The following SCAPER variants were observed in gnomAD, a reference collection of about 807,000 sequenced individuals.
SCAPER encodes the protein S-phase cyclin A associated protein in the ER.
SCAPER carries 98 observed loss-of-function variants against 182.2 expected under a neutral mutation model. That is an observed-to-expected ratio of 0.54 (90% CI 0.46 to 0.64). The LOEUF (loss-of-function observed/expected upper bound fraction) is 0.64, where lower values mean the gene tolerates loss of function less well. Ranked by LOEUF, SCAPER falls within the 30% of genes least tolerant of loss-of-function variation. SCAPER has a pLI of 0.00. For missense variants in SCAPER, 1,432 were observed against 1,690.0 expected (o/e 0.85, Z 2.68); for synonymous variants, 605 against 564.6 (o/e 1.07, Z -1.01).
At chr15:76,435,533 T>C (rs1441685950) in intron 25 of SCAPER, among the ~76,000 whole-genome samples, 1 of 152,172 alleles carries the variant, frequency 6.6e-6, no homozygotes, top group Non-Finnish European at 1.5e-5. Flanking sequence ...TAACCTAGAC[T>C]GGTAGCTCTC....
At chr15:76,397,932 C>T (rs951764751) in intron 27 of SCAPER, among the ~76,000 whole-genome samples, 3 of 152,194 alleles carry the variant, frequency 2.0e-5, no homozygotes, top group African/African-American at 7.2e-5. Context: ...GCCGTTACCA[C>T]ATCTCAGCAA....
intron 22 of SCAPER, among the ~76,000 whole-genome samples, chr15:76,616,339 ATAT>A (rs1443865399): frequency 6.6e-6 from 1 of 152,186 alleles, no homozygotes; most frequent in Non-Finnish European, 1.5e-5. Flanking sequence ...AATCTTGAGG[ATAT>A]TATGATAAAT....
chr15:76,619,490 C>T (rs950919502), intron 22 of SCAPER, among the ~76,000 whole-genome samples: 4 of 152,112 alleles, frequency 2.6e-5, no homozygotes, highest in Admixed American at 1.3e-4. Flanking sequence ...TAAGAGAATG[C>T]CAAACTATTT....
At chr15:76,770,805 A>C (rs1484254061) in intron 10 of SCAPER, among the ~76,000 whole-genome samples, 1 of 152,186 alleles carries the variant, frequency 6.6e-6, no homozygotes, top group Non-Finnish European at 1.5e-5. Context: ...TTATTTGAGC[A>C]TAATTATGTT....
chr15:76,465,805 A>C (rs888825284), intron 25 of SCAPER, among the ~76,000 whole-genome samples: 1 of 152,206 alleles, frequency 6.6e-6, no homozygotes, highest in Middle Eastern at 3.4e-3. Flanking sequence ...CAGTTTTTCC[A>C]ACACAGTTTA....
In SCAPER at chr15:76,354,254, A is replaced by G. The variant is rs2040804684; in HGVS notation, c.3856-114T>C. ...AACATGCTGAAGGAGTGTAAAGAAA[A>G]AGACTCCTGACTCCGTACCAGAGCT... On this transcript the variant is annotated intron_variant, in intron 29 of 31. Coordinates refer to ENST00000563290, the MANE Select transcript of SCAPER (RefSeq NM_020843.4). The surrounding 1 kb of genome is among the most constrained non-coding windows in gnomAD (Gnocchi z 4.4). 1 of 877,862 alleles carries G rather than the reference A, an allele frequency of 1.1e-6. No homozygotes were observed. The highest frequency in any genetic ancestry group is 1.8e-5 in the African/African-American group (1 of 56,260). 54.4% of individuals were successfully genotyped at this position (877,862 alleles called of 1,614,324 possible).
chr15:76,357,010 AAAT>A (rs1306381836), intron 29 of SCAPER, among the ~76,000 whole-genome samples: 3 of 152,206 alleles, frequency 2.0e-5, no homozygotes, highest in Non-Finnish European at 2.9e-5. Flanking sequence ...TGTGATTCTT[AAAT>A]AGGTGCTAAC....
intron 14 of SCAPER, among the ~76,000 whole-genome samples, chr15:76,754,393 C>G (rs1598526555): frequency 6.6e-6 from 1 of 151,948 alleles, no homozygotes; most frequent in South Asian, 2.1e-4. Context: ...AACCCACATT[C>G]AAGAAAAATA....
At chr15:76,703,755 T>A (rs1033110462) in intron 18 of SCAPER, among the ~76,000 whole-genome samples, 2 of 152,218 alleles carry the variant, frequency 1.3e-5, no homozygotes. Context: ...ATGTGGAGGT[T>A]ATGTACTTAG....
At chr15:76,513,491 G>A (rs905432280) in intron 23 of SCAPER, among the ~76,000 whole-genome samples, 7 of 152,068 alleles carry the variant, frequency 4.6e-5, no homozygotes, top group African/African-American at 1.4e-4. Flanking sequence ...AAAAACCTTC[G>A]CAAGCATGTG....
intron 2 of SCAPER, among the ~76,000 whole-genome samples, chr15:76,883,529 T>G (rs1452017661): frequency 1.3e-5 from 2 of 152,180 alleles, no homozygotes; most frequent in Non-Finnish European, 2.9e-5. Flanking sequence ...TAGCATCCAT[T>G]GATTTGTAAC....
chr15:76,850,859 CAAAAAAAA>C (rs59202490), intron 4 of SCAPER, among the ~76,000 whole-genome samples: 44 of 90,056 alleles, frequency 4.9e-4, no homozygotes, highest in African/African-American at 1.6e-3. Flanking sequence ...GACTCTGTCT[CAAAAAAAA>C]AAAAAAAAAA....
chr15:76,511,866 T>TGTGTGTGC (rs2042063306), intron 23 of SCAPER, among the ~76,000 whole-genome samples: 1 of 98,290 alleles, frequency 1.0e-5, no homozygotes, highest in Non-Finnish European at 2.1e-5. Flanking sequence ...TGTGTGTGTG[T>TGTGTGTGC]GTGTGTATAT....
chr15:76,757,163 G>C (rs2062490064), intron 14 of SCAPER, among the ~76,000 whole-genome samples: 1 of 152,108 alleles, frequency 6.6e-6, no homozygotes, highest in African/African-American at 2.4e-5. Flanking sequence ...TGTTTCCTAT[G>C]TTTTCAGGTA....
At chr15:76,546,645 T>C (rs2045313879) in intron 23 of SCAPER, among the ~76,000 whole-genome samples, 1 of 149,934 alleles carries the variant, frequency 6.7e-6, no homozygotes, top group South Asian at 2.1e-4. Context: ...TCTCTCTCCC[T>C]CTCTCTCTCT....
chr15:76,899,261 C>T (rs1487296865), intron 1 of SCAPER, among the ~76,000 whole-genome samples: 1 of 152,226 alleles, frequency 6.6e-6, no homozygotes. Context: ...CTGCCTCAGG[C>T]TCCGGTGATT....
rs1250905392 is a variant in SCAPER, at chr15:76,702,852, G to C, written c.2398C>G (p.Leu800Val). 2.5e-6 allele frequency: 4 copies of C among 1,601,274 alleles called. No individual in the cohort carries two copies. The highest frequency in any genetic ancestry group is 3.4e-6 in the Non-Finnish European group (4 of 1,176,752). ...RKKQCSLCNVLISSEVYLFSH... is the reference protein window; with the variant it reads ...RKKQCSLCNVVISSEVYLFSH... Reference sequence around the variant, plus strand: ...ACAATATTGATATAACAACCTACCAGGACATTGCAGAGAGAACACTGCTTC... The same window carrying C: ...ACAATATTGATATAACAACCTACCACGACATTGCAGAGAGAACACTGCTTC... Residue 800 changes from leucine to valine, a missense_variant and splice_region_variant, in exon 19 of 32, where the codon CTG becomes GTG. By Grantham distance (32) the Leu-to-Val change is conservative. Around this residue, in one of 5 missense-constraint regions of SCAPER, gnomAD observed 718 missense variants for 799.7 expected, o/e 0.90. Transcript: ENST00000563290.
chr15:76,685,136 A>G (rs1416881978), intron 20 of SCAPER, among the ~76,000 whole-genome samples: 1 of 152,028 alleles, frequency 6.6e-6, no homozygotes. Flanking sequence ...ACAAATCCAT[A>G]AGCCAATATT....
chr15:76,460,740 T>C (rs968373353), intron 25 of SCAPER, among the ~76,000 whole-genome samples: 16 of 152,182 alleles, frequency 1.1e-4, no homozygotes, highest in Admixed American at 3.3e-4. Flanking sequence ...TTAATTCCTA[T>C]TGATGTAACT....
Sources: allele counts gnomAD v4.1 joint callset (sites outside exome capture counted in the v4.1 genomes callset), GRCh38; gene constraint gnomAD v4.1.1; regional missense constraint gnomAD v4.1.1; non-coding constraint Gnocchi (gnomAD v3.1); transcripts MANE v1.5; gene names NCBI Gene and HGNC (gene_info 2026-07-23, HGNC 2026-07-21).